Variants in PCDHAC2 observed in about 807,000 individuals in gnomAD.
The protein encoded by PCDHAC2 is protocadherin alpha-C2.
In PCDHAC2, 24 loss-of-function variants were observed where a neutral mutation model predicts 63.3. The observed-to-expected ratio is 0.38, with a 90% CI of 0.27 to 0.53. The LOEUF is 0.53. Ranked by LOEUF, PCDHAC2 falls within the 20% of genes least tolerant of loss-of-function variation. PCDHAC2 has a pLI of 0.81. For missense variants in PCDHAC2, 1,181 were observed against 1,275.2 expected, an observed-to-expected ratio of 0.93 and a Z score of 1.12; for synonymous variants, 569 against 529.4, an observed-to-expected ratio of 1.07 and a Z score of -1.03.
chr5:141,002,681 C>T (rs556518008), intron 3 of PCDHAC2, among the ~76,000 whole-genome samples: 32 of 152,154 alleles, frequency 2.1e-4, no homozygotes, highest in Non-Finnish European at 4.0e-4. Context: ...ACCTATACGA[C>T]GTGCAGATTT....
intron 2 of PCDHAC2, among the ~76,000 whole-genome samples, chr5:140,981,776 A>T (rs908868836): frequency 2.4e-4 from 36 of 151,980 alleles, no homozygotes; most frequent in African/African-American, 8.0e-4. Context: ...TGAATACTGC[A>T]CCATGTTCTC....
At position 140,966,812 on chromosome 5, in the gene PCDHAC2, C is replaced by T; in HGVS notation, c.46C>T (p.Leu16Phe). The change falls in exon 1 of 4, where the codon CTC (leucine) becomes TTC (phenylalanine). Residue 16 changes from leucine (L) to phenylalanine (F), a missense_variant. Leu to Phe is a conservative substitution (Grantham distance 22). Transcript: ENST00000289269. ...TRPAATEHPR[L>F]RRPMPWLLLL... The stretch of plus-strand genomic sequence containing the variant: ...ACCTGCGGCGACAGAGCATCCACGG[C>T]TCCGGCGGCCCATGCCCTGGCTGCT... 1 of 1,550,798 alleles carries T rather than the reference C, an allele frequency of 6.4e-7. No individual in the cohort carries two copies. The highest frequency in any genetic ancestry group is 2.4e-5 in the East Asian group (1 of 41,636).
chr5:141,001,381 A>G (rs1213919091), intron 3 of PCDHAC2, among the ~76,000 whole-genome samples: 1 of 152,218 alleles, frequency 6.6e-6, no homozygotes, highest in Non-Finnish European at 1.5e-5. Context: ...TACAGAGCCT[A>G]AGATCCTACA....
intron 3 of PCDHAC2, among the ~76,000 whole-genome samples, chr5:141,002,901 G>C (rs2098101392): frequency 6.6e-6 from 1 of 152,224 alleles, no homozygotes; most frequent in Admixed American, 6.5e-5. Flanking sequence ...GCAAGATGAA[G>C]AGAAGATCAG....
rs1320219732 is a variant in PCDHAC2, at chr5:140,966,886, G to A, written c.120G>A (p.Ala40=). Residue 40 remains alanine (A), a synonymous_variant, in exon 1 of 4, where the codon GCG becomes GCA. Coordinates refer to ENST00000289269, the MANE Select transcript of PCDHAC2 (RefSeq NM_018899.6). ...LLLLLLLPGP[A]ASQLRYSVPE... Reference sequence around the variant, plus strand: ...TGCTGCTGCTGCTACCTGGCCCTGCGGCCTCCCAGCTGCGATACTCTGTGC... The same window carrying A: ...TGCTGCTGCTGCTACCTGGCCCTGCAGCCTCCCAGCTGCGATACTCTGTGC... The A allele has an allele frequency of 5.7e-6, 9 of 1,592,130 alleles. No individual in the cohort carries two copies. The Admixed American group carries it at 1.0e-4, about 18-fold the overall frequency.
intron 3 of PCDHAC2, among the ~76,000 whole-genome samples, chr5:140,998,883 GAATA>G (rs782239555): frequency 6.6e-5 from 10 of 152,274 alleles, no homozygotes; most frequent in East Asian, 1.9e-4. Flanking sequence ...AAGTTTAGTT[GAATA>G]AATAACAATG....
chr5:140,977,429 C>T (rs143756065), intron 1 of PCDHAC2, among the ~76,000 whole-genome samples: 9 of 152,228 alleles, frequency 5.9e-5, no homozygotes, highest in South Asian at 2.1e-4. Context: ...CCTCTAACAC[C>T]GCTAGTAGAT....
intron 1 of PCDHAC2, among the ~76,000 whole-genome samples, chr5:140,976,410 G>C (rs1353790339): frequency 6.6e-6 from 1 of 152,074 alleles, no homozygotes; most frequent in Non-Finnish European, 1.5e-5. Context: ...AATTAGCCAG[G>C]TACGGTGGCA....
intron 2 of PCDHAC2, among the ~76,000 whole-genome samples, chr5:140,982,179 T>C (rs950269342): frequency 6.6e-6 from 1 of 152,396 alleles, no homozygotes. Flanking sequence ...CTTAGTCCTC[T>C]GATGGGCTTC....
chr5:141,000,743 TA>T (rs527867626), intron 3 of PCDHAC2, among the ~76,000 whole-genome samples: 276 of 145,094 alleles, frequency 1.9e-3, no homozygotes, highest in Admixed American at 4.4e-3. Context: ...CTCTGTATAT[TA>T]AAAAAAAAAA....
intron 1 of PCDHAC2, among the ~76,000 whole-genome samples, chr5:140,974,883 C>T (rs1188748856): frequency 1.3e-5 from 2 of 152,154 alleles, no homozygotes; most frequent in Non-Finnish European, 2.9e-5. Context: ...CTATGTATCC[C>T]TTTTCTGATG....
rs1255289031 is a variant in PCDHAC2 at position 141,010,188 on chromosome 5, T to C, written c.*251T>C. On this transcript the variant is annotated 3_prime_UTR_variant, in exon 4 of 4. Transcript: ENST00000289269. Reference sequence around the variant, plus strand: ...CAGAACCTAAAAAGCAGACCCAAGTTTCCTTTCTCCTCCGCCGCAAAGGAG... The same window carrying C: ...CAGAACCTAAAAAGCAGACCCAAGTCTCCTTTCTCCTCCGCCGCAAAGGAG... 1.3e-6 allele frequency: 2 copies of C among 1,552,952 alleles called. No individual in the cohort carries two copies. Among genetic ancestry groups the C allele is most frequent in the Non-Finnish European group, 8.7e-7 (1 of 1,147,482 alleles).
intron 3 of PCDHAC2, among the ~76,000 whole-genome samples, chr5:140,988,428 G>A (rs1186229744): frequency 6.6e-6 from 1 of 152,160 alleles, no homozygotes; most frequent in Non-Finnish European, 1.5e-5. Context: ...GAATTTGTTT[G>A]TTTTGGATTG....
rs781992926 is a variant in PCDHAC2 at position 140,990,008 on chromosome 5, G to A, written c.2713+7445G>A. On this transcript the variant is annotated intron_variant, in intron 3 of 3. Coordinates refer to ENST00000289269, the MANE Select transcript of PCDHAC2 (RefSeq NM_018899.6). ...CCTGAAATTGTCTATCTCCAAGGGCGTGGGCTAGGCAAAGGATGGGAGAAG... is the reference window on the plus strand; with the variant it reads ...CCTGAAATTGTCTATCTCCAAGGGCATGGGCTAGGCAAAGGATGGGAGAAG... Among the ~76,000 whole-genome samples the A allele has an allele frequency of 2.8e-4, 43 of 152,230 alleles. 1 individual carries two copies. The highest frequency in any genetic ancestry group is 9.1e-4 in the African/African-American group (38 of 41,532).
At chr5:140,993,437 C>A (rs1193523462) in intron 3 of PCDHAC2, among the ~76,000 whole-genome samples, 1 of 150,056 alleles carries the variant, frequency 6.7e-6, no homozygotes, top group Non-Finnish European at 1.5e-5. Context: ...AATCCTTATT[C>A]ATTCCTGTTC....
chr5:140,984,168 A>C (rs1181991691), intron 3 of PCDHAC2, among the ~76,000 whole-genome samples: 1 of 152,204 alleles, frequency 6.6e-6, no homozygotes, highest in Non-Finnish European at 1.5e-5. Context: ...TTCCCAAAGA[A>C]GCCACGTGAA....
At chr5:140,990,742 G>A (rs947618929) in intron 3 of PCDHAC2, among the ~76,000 whole-genome samples, 2 of 152,176 alleles carry the variant, frequency 1.3e-5, no homozygotes, top group African/African-American at 4.8e-5. Context: ...CAGCCCTAGG[G>A]TGGATACCTT....
intron 2 of PCDHAC2, among the ~76,000 whole-genome samples, chr5:140,981,925 T>C (rs2096957903): frequency 1.3e-5 from 2 of 152,160 alleles, no homozygotes; most frequent in South Asian, 2.1e-4. Flanking sequence ...CAAGTTTCTC[T>C]AGTCTCAGGA....
At chr5:140,970,332 G>A (rs1236073527) in intron 1 of PCDHAC2, among the ~76,000 whole-genome samples, 12 of 152,138 alleles carry the variant, frequency 7.9e-5, no homozygotes, top group Admixed American at 2.6e-4. Flanking sequence ...TCCAAAGCAT[G>A]CATTCATTTT....
Sources: gnomAD v4.1 joint callset for allele counts (sites outside exome capture counted in the v4.1 genomes callset) on GRCh38, gnomAD v4.1.1 for gene constraint, MANE v1.5 for transcripts, NCBI Gene and HGNC (gene_info 2026-07-23, HGNC 2026-07-21) for gene names.